Variants in NRG1 observed in about 807,000 individuals in gnomAD.
The protein encoded by NRG1 is pro-neuregulin-1, membrane-bound isoform.
Under a neutral mutation model 63.8 loss-of-function variants are expected in NRG1, and 18 were observed. The ratio of observed to expected loss-of-function variants is 0.28; its 90% CI spans 0.19 to 0.42. The LOEUF is 0.42. NRG1 is among the 10% of genes least tolerant of loss of function. The pLI, the probability that NRG1 is intolerant of heterozygous loss-of-function variation, is 1.00. For synonymous variants in NRG1, 302 were observed against 301.3 expected (o/e 1.00, Z -0.02); for missense variants, 762 against 814.7 (o/e 0.94, Z 0.79).
intron 1 of NRG1, among the ~76,000 whole-genome samples, chr8:31,871,999 C>G (rs964723894): frequency 2.0e-5 from 3 of 152,028 alleles, no homozygotes; most frequent in African/African-American, 7.2e-5. Flanking sequence ...AATCAGTGAC[C>G]ATAAAGGCCA....
rs1822692923 is a variant in NRG1, at chr8:32,463,906, TTTTTTTTGGG to T, written c.38-131921_38-131912del. Among the ~76,000 whole-genome samples, 2 of 63,282 alleles carry T rather than the reference TTTTTTTTGGG, an allele frequency of 3.2e-5. 1 individual carries two copies. Among genetic ancestry groups the T allele is most frequent in the Non-Finnish European group, 6.8e-5 (2 of 29,394 alleles). The allele number at this position is 63,282 out of a possible 152,430, so 41.5% of individuals were successfully genotyped here. On this transcript the variant is annotated intron_variant, in intron 1 of 10. Coordinates refer to the NRG1 transcript ENST00000519301. ...TTTTTTTTTTTTTTTTTTTTTTTTT[TTTTTTTTGGG>T]GGAGGGTCTCATTCTGTTGCCAGGC...
chr8:31,698,325 A>G lies in NRG1; in HGVS notation c.37+58894A>G, dbSNP rs185788040. On this transcript the variant is annotated intron_variant, in intron 1 of 10. Coordinates refer to the NRG1 transcript ENST00000519301. ...ACAGTTTCTCTCATGACAAGGACCA[A>G]TTGTGATTTATGACCATTTACAGGA... Among the ~76,000 whole-genome samples, 123 of 152,282 alleles carry G rather than the reference A, an allele frequency of 8.1e-4. 3 individuals carry two copies. The East Asian group carries it at 0.021, about 26-fold the overall frequency.
At chr8:32,465,155 A>G (rs1563500829) in intron 1 of NRG1, among the ~76,000 whole-genome samples, 2 of 152,160 alleles carry the variant, frequency 1.3e-5, no homozygotes, top group Non-Finnish European at 2.9e-5. Flanking sequence ...TCTGTCTTAG[A>G]AACAACAACA....
At chr8:32,417,511 C>T (rs1407996453) in intron 1 of NRG1, among the ~76,000 whole-genome samples, 1 of 152,044 alleles carries the variant, frequency 6.6e-6, no homozygotes, top group Non-Finnish European at 1.5e-5. Flanking sequence ...TGTGTGACCT[C>T]CCAAGCATGA....
At chr8:31,944,065 A>G (rs1211890157) in intron 1 of NRG1, among the ~76,000 whole-genome samples, 1 of 152,110 alleles carries the variant, frequency 6.6e-6, no homozygotes, top group Non-Finnish European at 1.5e-5. Context: ...CTCTTTCCTT[A>G]TTTGTCATGT....
At chr8:31,903,934 A>G (rs1832309789) in intron 1 of NRG1, among the ~76,000 whole-genome samples, 1 of 152,134 alleles carries the variant, frequency 6.6e-6, no homozygotes, top group Non-Finnish European at 1.5e-5. Flanking sequence ...CTGGGTGACA[A>G]GAATGAAACT....
chr8:32,297,277 A>G (rs958896137), intron 1 of NRG1, among the ~76,000 whole-genome samples: 2 of 152,178 alleles, frequency 1.3e-5, no homozygotes, highest in African/African-American at 4.8e-5. Flanking sequence ...CTATTGAAAT[A>G]GCTTGGCATT....
chr8:32,713,103 C>T (rs768988954), intron 5 of NRG1, among the ~76,000 whole-genome samples: 1 of 152,092 alleles, frequency 6.6e-6, no homozygotes, highest in Non-Finnish European at 1.5e-5. Flanking sequence ...ACCTGTCTCT[C>T]GAAAGTGATT....
intron 1 of NRG1, among the ~76,000 whole-genome samples, chr8:32,266,021 G>A (rs1446193279): frequency 6.6e-6 from 1 of 152,060 alleles, no homozygotes; most frequent in East Asian, 1.9e-4. Flanking sequence ...GCAGATTTTG[G>A]TATCCTTGGG....
intron 1 of NRG1, among the ~76,000 whole-genome samples, chr8:31,939,952 A>G (rs1801504583): frequency 6.6e-6 from 1 of 152,186 alleles, no homozygotes; most frequent in Non-Finnish European, 1.5e-5. Flanking sequence ...TGAGATAGAC[A>G]GCAACACAAT....
At chr8:31,639,530 C>G in intron 1 of NRG1, 1 of 1,482,282 alleles carries the variant, frequency 6.7e-7, no homozygotes, top group Non-Finnish European at 9.0e-7. Context: ...CCCTCGCGCT[C>G]TCTCCCAGCC....
intron 1 of NRG1, among the ~76,000 whole-genome samples, chr8:32,001,409 A>G (rs137932501): frequency 0.035 from 5,355 of 152,022 alleles, 306 homozygotes; most frequent in African/African-American, 0.12. Flanking sequence ...GCCTTCTGCC[A>G]TGATTGTGAG....
chr8:32,628,012 T>C (rs1185533226), intron 5 of NRG1, among the ~76,000 whole-genome samples: 1 of 152,254 alleles, frequency 6.6e-6, no homozygotes. Context: ...AATCTACGTA[T>C]TGAATCAGCC....
chr8:32,002,078 C>A (rs527776958), intron 1 of NRG1, among the ~76,000 whole-genome samples: 22 of 152,106 alleles, frequency 1.4e-4, no homozygotes, highest in African/African-American at 5.1e-4. Context: ...TGCTGGAGTG[C>A]AGTAGCACGA....
intron 7 of NRG1, among the ~76,000 whole-genome samples, chr8:32,747,462 A>G (rs181082033): frequency 6.6e-5 from 10 of 151,980 alleles, no homozygotes; most frequent in South Asian, 2.1e-4. Flanking sequence ...AGCAAATGGG[A>G]AAAAAAATGA....
At chr8:32,039,286 C>T (rs896725130) in intron 1 of NRG1, among the ~76,000 whole-genome samples, 5 of 152,124 alleles carry the variant, frequency 3.3e-5, no homozygotes, top group African/African-American at 9.7e-5. Context: ...TCTTTCCTTC[C>T]TCTTGTCTAT....
At chr8:32,198,466 C>T (rs1002787931) in intron 1 of NRG1, among the ~76,000 whole-genome samples, 4 of 152,188 alleles carry the variant, frequency 2.6e-5, no homozygotes, top group African/African-American at 9.7e-5. Context: ...GTGTGAGCCA[C>T]CATGCCTGGC....
intron 1 of NRG1, among the ~76,000 whole-genome samples, chr8:32,072,312 G>A (rs532072599): frequency 6.6e-6 from 1 of 150,682 alleles, no homozygotes; most frequent in Non-Finnish European, 1.5e-5. Context: ...AGAAAAAGAG[G>A]CCCTTAGTCA....
intron 1 of NRG1, among the ~76,000 whole-genome samples, chr8:32,225,318 G>T (rs1282305261): frequency 6.6e-6 from 1 of 152,084 alleles, no homozygotes; most frequent in African/African-American, 2.4e-5. Flanking sequence ...AATATCATAT[G>T]CCTAATAGCT....
Sources: gnomAD v4.1 joint callset for allele counts (sites outside exome capture counted in the v4.1 genomes callset) on GRCh38, gnomAD v4.1.1 for gene constraint, MANE v1.5 for transcripts, NCBI Gene and HGNC (gene_info 2026-07-23, HGNC 2026-07-21) for gene names.